Variants in NCLN observed in about 807,000 individuals in gnomAD.
NCLN encodes the protein nicalin.
NCLN carries 34 observed loss-of-function variants against 69.5 expected under a neutral mutation model. The observed-to-expected ratio is 0.49, with a 90% CI of 0.37 to 0.65. NCLN has a LOEUF of 0.65. Among genes scored for constraint, NCLN ranks in the 30% least tolerant of loss-of-function variants. The pLI is 0.00. For missense variants in NCLN, 710 were observed against 804.8 expected (o/e 0.88, Z 1.42); for synonymous variants, 393 against 358.3 (o/e 1.10, Z -1.09).
Position 3,207,868 on chromosome 19 carries a change from G to A in NCLN, c.*180G>A, listed in dbSNP as rs1239256342. ...TCTGTTGCTCTCCGAGACTGGGGGG[G>A]GATTGTTTCTTCTTTTCCTTGTCTT... On this transcript the variant is annotated 3_prime_UTR_variant, in exon 15 of 15. Coordinates refer to ENST00000246117, the MANE Select transcript of NCLN (RefSeq NM_020170.4). 4 of 593,638 alleles carry A rather than the reference G, an allele frequency of 6.7e-6. No homozygotes were observed. Among genetic ancestry groups the A allele is most frequent in the South Asian group, 4.3e-5 (2 of 46,904 alleles). 36.8% of individuals were successfully genotyped at this position (593,638 alleles called of 1,614,324 possible). A position where few individuals can be genotyped will look rare whatever the true frequency, so the allele number is the denominator to read the frequency against.
At chr19:3,200,483 T>C (rs1157138408) in intron 5 of NCLN, among the ~76,000 whole-genome samples, 1 of 151,820 alleles carries the variant, frequency 6.6e-6, no homozygotes, top group African/African-American at 2.4e-5. Flanking sequence ...GCTCATTTTT[T>C]GTATTTTTAG....
At chr19:3,194,806 A>G (rs1052207547) in intron 3 of NCLN, among the ~76,000 whole-genome samples, 4 of 144,606 alleles carry the variant, frequency 2.8e-5, no homozygotes, top group African/African-American at 7.7e-5. Flanking sequence ...GCTGGAGTGC[A>G]GTGGCACAAT....
At chr19:3,191,861 G>A (rs1188501848) in intron 1 of NCLN, among the ~76,000 whole-genome samples, 1 of 142,232 alleles carries the variant, frequency 7.0e-6, no homozygotes, top group Non-Finnish European at 1.6e-5. Flanking sequence ...GGGGTGGGAA[G>A]TGTGGGTTTC....
At chr19:3,200,274 A>G (rs984622335) in intron 5 of NCLN, among the ~76,000 whole-genome samples, 11 of 147,094 alleles carry the variant, frequency 7.5e-5, no homozygotes, top group African/African-American at 2.5e-4. Flanking sequence ...ATTGTCCCCT[A>G]TGAAGCTTTT....
At chr19:3,186,495 T>C (rs537248) in intron 1 of NCLN, among the ~76,000 whole-genome samples, 82,739 of 151,980 alleles carry the variant, frequency 0.54, 22,761 homozygotes, top group African/African-American at 0.61. Flanking sequence ...GCGTCCCGCG[T>C]CCCTGGAGCC....
chr19:3,203,934 G>T, intron 7 of NCLN, 71 bp from the exon 8 acceptor site: 3 of 1,560,320 alleles, frequency 1.9e-6, no homozygotes, highest in Non-Finnish European at 2.6e-6. Flanking sequence ...GGGCAGCCAG[G>T]AGGCACAGAG....
At chr19:3,194,563 G>A (rs904243243) in intron 3 of NCLN, among the ~76,000 whole-genome samples, 6 of 152,154 alleles carry the variant, frequency 3.9e-5, no homozygotes, top group African/African-American at 1.4e-4. Context: ...CCGTGGCTGC[G>A]GCAGAGACCA....
chr19:3,203,314 A>G (rs112563454), intron 6 of NCLN, among the ~76,000 whole-genome samples: 3,799 of 145,890 alleles, frequency 0.026, 157 homozygotes, highest in African/African-American at 0.09. Context: ...GTCCCAAAAG[A>G]AAAAAAAAAA....
Position 3,185,950 on chromosome 19 carries a change from T to G in NCLN, c.-81T>G. ...CCCGCAGGACCCCGGCGGCTACCCA[T>G]GCCGAGGTGAGTCCGCGGGAGCCGC... On this transcript the variant is annotated 5_prime_UTR_variant, in exon 1 of 15. The change abolishes an upstream ATG in the 5' untranslated region. Coordinates refer to ENST00000246117, the MANE Select transcript of NCLN (RefSeq NM_020170.4). 2 of 1,165,486 alleles carry G rather than the reference T, an allele frequency of 1.7e-6. No homozygotes were observed. Among genetic ancestry groups the G allele is most frequent in the African/African-American group, 3.3e-5 (2 of 60,894 alleles). 72.2% of individuals were successfully genotyped at this position (1,165,486 alleles called of 1,614,324 possible).
At chr19:3,193,500 G>T (rs375816908) in intron 3 of NCLN, 72 bp downstream of exon 3, 2 of 1,474,130 alleles carry the variant, frequency 1.4e-6, no homozygotes, top group Non-Finnish European at 1.8e-6. Context: ...CAAGGGCTGC[G>T]GTCACCCTGG....
At chr19:3,207,117 C>T in intron 12 of NCLN, 81 bp from the exon 13 acceptor site, 1 of 1,499,040 alleles carries the variant, frequency 6.7e-7, no homozygotes, top group Non-Finnish European at 9.3e-7. Context: ...AGCCATCGTG[C>T]CCAGTCTCCA....
rs1048239450 is a variant in NCLN at position 3,207,961 on chromosome 19, C to G, written c.*273C>G. The G allele has an allele frequency of 8.1e-6, 4 of 494,878 alleles. No individual in the cohort carries two copies. The highest frequency in any genetic ancestry group is 1.9e-5 in the African/African-American group (1 of 51,590). The allele number at this position is 494,878 out of a possible 1,614,324, so 30.7% of individuals were successfully genotyped here. On this transcript the variant is annotated 3_prime_UTR_variant, in exon 15 of 15. Transcript: ENST00000246117. Reference sequence around the variant, plus strand: ...GGCTACGGACTTGCGGACGAGCCCCCCAGTCCTGGGAGCCGGCCGCCCTCG... The same window carrying G: ...GGCTACGGACTTGCGGACGAGCCCCGCAGTCCTGGGAGCCGGCCGCCCTCG...
intron 14 of NCLN, 35 bp from the exon 15 acceptor site, chr19:3,207,594 G>A (rs1407211225): frequency 1.1e-5 from 17 of 1,611,328 alleles, no homozygotes; most frequent in African/African-American, 9.3e-5. Context: ...CTCTGGCCCC[G>A]CCCACATCCT....
intron 2 of NCLN, 77 bp downstream of exon 2, chr19:3,192,737 C>G: frequency 7.6e-7 from 1 of 1,314,908 alleles, no homozygotes; most frequent in Non-Finnish European, 1.0e-6. Context: ...TGACCCTAGG[C>G]GGGTCACTTC....
At chr19:3,197,203 C>T (rs887925113) in intron 4 of NCLN, among the ~76,000 whole-genome samples, 4 of 152,236 alleles carry the variant, frequency 2.6e-5, no homozygotes, top group Admixed American at 2.6e-4. Context: ...CGTCACTCCA[C>T]AGTGGCACAG....
At position 3,193,429 on chromosome 19, in the gene NCLN, G is replaced by T. The variant is rs780946698; in HGVS notation, c.520+1G>T. 6.2e-7 allele frequency: 1 copy of T among 1,601,340 alleles called. No individual in the cohort carries two copies. On this transcript the variant is annotated splice_donor_variant, in intron 3 of 14. Coordinates refer to ENST00000246117, the MANE Select transcript of NCLN (RefSeq NM_020170.4). LOFTEE classifies it high-confidence loss of function. Reference sequence around the variant, plus strand: ...CAGGGCTCCGCCTCTGCTGCTGAAGGTGTGCTCTGGGCTGCAGGGACGGGG... The same window carrying T: ...CAGGGCTCCGCCTCTGCTGCTGAAGTTGTGCTCTGGGCTGCAGGGACGGGG...
chr19:3,207,015 G>A (rs1437831920), intron 12 of NCLN, among the ~76,000 whole-genome samples, 183 bp from the exon 13 acceptor site: 1 of 151,980 alleles, frequency 6.6e-6, no homozygotes, highest in African/African-American at 2.4e-5. Flanking sequence ...GTAGAGATGG[G>A]GTTTCACCGT....
chr19:3,203,699 CCCT>C, intron 6 of NCLN, 54 bp from the exon 7 acceptor site: 1 of 1,490,392 alleles, frequency 6.7e-7, no homozygotes, highest in East Asian at 2.4e-5. Context: ...CTGGCCTGGT[CCCT>C]CCTCCACCCC....
chr19:3,203,763 C>A lies in NCLN; in HGVS notation c.808C>A (p.Leu270Ile), dbSNP rs1916186232. Reference protein sequence around the residue: ...TYKRTHAAYNLLFFASGGGKF... With the variant: ...TYKRTHAAYNILFFASGGGKF... ...CTGGGTCTTCCCTCCCAGCTACAACCTCCTGTTCTTTGCGTCTGGAGGAGG... is the reference window on the plus strand; with the variant it reads ...CTGGGTCTTCCCTCCCAGCTACAACATCCTGTTCTTTGCGTCTGGAGGAGG... Residue 270 changes from leucine (L) to isoleucine (I), a missense_variant, in exon 7 of 15, where the codon CTC (leucine) becomes ATC (isoleucine). By Grantham distance (5) the Leu-to-Ile change is conservative. Transcript: ENST00000246117. 1.2e-6 allele frequency: 2 copies of A among 1,612,104 alleles called. No individual in the cohort carries two copies. The highest frequency in any genetic ancestry group is 8.5e-7 in the Non-Finnish European group (1 of 1,179,340).
Sources: allele counts gnomAD v4.1 joint callset (sites outside exome capture counted in the v4.1 genomes callset), GRCh38; gene constraint gnomAD v4.1.1; transcripts MANE v1.5; gene names NCBI Gene and HGNC (gene_info 2026-07-23, HGNC 2026-07-21).